Variants in FGFR2 observed in about 807,000 individuals in gnomAD.
The protein encoded by FGFR2 is BEK fibroblast growth factor receptor.
A neutral mutation model predicts 95.9 loss-of-function variants in FGFR2; 19 were observed. That is an observed-to-expected ratio of 0.20 (90% CI 0.14 to 0.29). The LOEUF is 0.29. Among genes scored for constraint, FGFR2 ranks in the 10% least tolerant of loss-of-function variants. FGFR2 has a pLI of 1.00. For synonymous variants in FGFR2, 392 were observed against 393.3 expected (o/e 1.00, Z 0.04); for missense variants, 707 against 1,056.9 (o/e 0.67, Z 4.59).
At chr10:121,534,300 T>C (rs1852511964) in intron 6 of FGFR2, among the ~76,000 whole-genome samples, 1 of 152,020 alleles carries the variant, frequency 6.6e-6, no homozygotes, top group African/African-American at 2.4e-5. Flanking sequence ...GGTTTCACCA[T>C]GTTGGTCAGG....
chr10:121,504,291 C>A (rs978525207), intron 9 of FGFR2, among the ~76,000 whole-genome samples: 3 of 149,830 alleles, frequency 2.0e-5, no homozygotes, highest in Non-Finnish European at 4.4e-5. Context: ...TATGGTTGTA[C>A]CTGCACCTGT....
chr10:121,570,806 T>C (rs1029724561), intron 2 of FGFR2, among the ~76,000 whole-genome samples: 1 of 152,224 alleles, frequency 6.6e-6, no homozygotes, highest in Non-Finnish European at 1.5e-5. Flanking sequence ...CACTGTTTCC[T>C]AAAACTGGTA....
chr10:121,542,532 C>CT (rs1479261226), intron 5 of FGFR2, among the ~76,000 whole-genome samples: 1 of 152,236 alleles, frequency 6.6e-6, no homozygotes, highest in Non-Finnish European at 1.5e-5. Context: ...GACTCTTTTT[C>CT]TTTCCTGCTC....
intron 2 of FGFR2, among the ~76,000 whole-genome samples, chr10:121,580,490 C>T (rs970232065): frequency 1.3e-5 from 2 of 152,164 alleles, no homozygotes; most frequent in African/African-American, 2.4e-5. Flanking sequence ...CCCGTGCAGA[C>T]GCCTGAAGGC....
Position 121,565,525 on chromosome 10 carries a change from C to T in FGFR2, c.289G>A (p.Ala97Thr), listed in dbSNP as rs372430349. 4.6e-5 allele frequency: 74 copies of T among 1,614,100 alleles called. No homozygotes were observed. The highest frequency in any genetic ancestry group is 2.9e-4 in the African/African-American group (22 of 74,938). ...LIGEYLQIKG[A>T]TPRDSGLYAC... is the part of the protein sequence containing the mutation. Reference sequence around the variant, plus strand: ...TAGAGGCCGGAGTCTCTAGGCGTGGCGCCCTTTATCTGCAAGTACTCCCCA... The same window carrying T: ...TAGAGGCCGGAGTCTCTAGGCGTGGTGCCCTTTATCTGCAAGTACTCCCCA... The change falls in exon 3 of 18, where the codon GCC becomes ACC. Residue 97 changes from alanine to threonine, a missense_variant. By Grantham distance (58) the Ala-to-Thr change is moderately conservative (BLOSUM62 0). This residue lies in a region of FGFR2 where 178 missense variants were observed against 194.1 expected (regional missense o/e 0.92). Coordinates refer to ENST00000358487, the MANE Select transcript of FGFR2 (RefSeq NM_000141.5).
intron 13 of FGFR2, among the ~76,000 whole-genome samples, chr10:121,492,156 C>CA (rs1183007961): frequency 6.6e-6 from 1 of 152,122 alleles, no homozygotes; most frequent in African/African-American, 2.4e-5. Flanking sequence ...AGCCAGGTGA[C>CA]AGAGTGAGAC....
intron 4 of FGFR2, among the ~76,000 whole-genome samples, chr10:121,554,120 C>T (rs1456903089): frequency 6.6e-6 from 1 of 152,188 alleles, no homozygotes; most frequent in Non-Finnish European, 1.5e-5. Context: ...CACAGCCATA[C>T]AGCAGGGTAC....
chr10:121,492,230 G>A (rs1049459128), intron 13 of FGFR2, among the ~76,000 whole-genome samples: 1 of 152,186 alleles, frequency 6.6e-6, no homozygotes, highest in Non-Finnish European at 1.5e-5. Context: ...GGTTAACTGG[G>A]TTTGGGATTT....
rs2134060578 is a variant in FGFR2, at chr10:121,503,876, G to A, written c.1353C>T (p.Leu451=). 1.2e-6 allele frequency: 2 copies of A among 1,614,158 alleles called. No individual in the cohort carries two copies. The highest frequency in any genetic ancestry group is 2.2e-5 in the South Asian group (2 of 91,084). Residue 451 remains leucine (L), a synonymous_variant, in exon 10 of 18, where the codon CTC becomes CTT. Transcript: ENST00000358487. ...NTPLVRITTR[L]SSTADTPMLA... is the part of the protein sequence containing the mutation. The stretch of plus-strand genomic sequence containing the variant: ...GCATGGGGGTGTCTGCCGTTGAAGA[G>A]AGGCGTGTTGTTATCCTCACCAGCG...
In FGFR2 at chr10:121,517,807, T is replaced by TCTGGTC. The variant is rs1849897779; in HGVS notation, c.940-350_940-345dup. On this transcript the variant is annotated intron_variant, in intron 7 of 17. Transcript: ENST00000358487. The surrounding 1 kb of genome is among the most constrained non-coding windows in gnomAD (Gnocchi z 4.7). ...ATGGTGCCCAGAAGGCCAAGCTGGTTCTGGTCCTGTTGGCTGCAGACTCCC... is the reference window on the plus strand; with the variant it reads ...ATGGTGCCCAGAAGGCCAAGCTGGTTCTGGTCCTGGTCCTGTTGGCTGCAGACTCCC... 6.6e-6 allele frequency among the ~76,000 whole-genome samples: 1 copy of TCTGGTC among 152,070 alleles called. No individual in the cohort carries two copies. The highest frequency in any genetic ancestry group is 1.5e-5 in the Non-Finnish European group (1 of 68,004).
chr10:121,487,870 C>G lies in FGFR2; in HGVS notation c.1986+121G>C, dbSNP rs1010554323. The stretch of plus-strand genomic sequence containing the variant: ...AATAGTAAGTCAAAAGAACGGGAAT[C>G]GGGGCAGGGGAATGGGTCCCCAGCC... On this transcript the variant is annotated intron_variant, in intron 14 of 17. Transcript: ENST00000358487. 4.9e-6 allele frequency: 6 copies of G among 1,225,292 alleles called. No individual in the cohort carries two copies. In the African/African-American group the frequency reaches 9.0e-5, roughly 18 times the overall value. The allele number at this position is 1,225,292 out of a possible 1,614,324, so 75.9% of individuals were successfully genotyped here. A position where few individuals can be genotyped will look rare whatever the true frequency, so the allele number is the denominator to read the frequency against.
chr10:121,482,227 A>C, intron 17 of FGFR2: 2 of 1,579,184 alleles, frequency 1.3e-6, no homozygotes, highest in African/African-American at 2.7e-5. Context: ...CTACAGTTAA[A>C]GGAACTTATA....
intron 6 of FGFR2, among the ~76,000 whole-genome samples, chr10:121,533,917 G>A (rs903283208): frequency 3.3e-5 from 5 of 151,984 alleles, no homozygotes; most frequent in African/African-American, 9.7e-5. Flanking sequence ...AGGGGTGGGC[G>A]TAAAGAAGCC....
At chr10:121,534,339 T>C (rs551407661) in intron 6 of FGFR2, among the ~76,000 whole-genome samples, 1 of 151,952 alleles carries the variant, frequency 6.6e-6, no homozygotes, top group Non-Finnish European at 1.5e-5. Flanking sequence ...CCTCATGATC[T>C]GCCTGCCTCG....
At chr10:121,572,176 A>AAAAAAAAAAAAAAT (rs1858900994) in intron 2 of FGFR2, among the ~76,000 whole-genome samples, 1 of 145,514 alleles carries the variant, frequency 6.9e-6, no homozygotes, top group Non-Finnish European at 1.5e-5. Flanking sequence ...AAAAAAAAAA[A>AAAAAAAAAAAAAAT]AGCCGGGAAT....
At chr10:121,509,198 A>G (rs533878657) in intron 9 of FGFR2, among the ~76,000 whole-genome samples, 9 of 152,292 alleles carry the variant, frequency 5.9e-5, no homozygotes, top group Admixed American at 2.0e-4. Context: ...CTTGTTAGTG[A>G]TAAGTGAGTT....
In FGFR2 at chr10:121,517,035, G is replaced by A. The variant is rs1849776362; in HGVS notation, c.1084+284C>T. 6.6e-6 allele frequency among the ~76,000 whole-genome samples: 1 copy of A among 152,192 alleles called. No homozygotes were observed. The highest frequency in any genetic ancestry group is 2.4e-5 in the African/African-American group (1 of 41,452). ...ATGGCAACTTGTTCCTTAAGAGAAAGGGGGATGGGCTAATTTATACATTGG... is the reference window on the plus strand; with the variant it reads ...ATGGCAACTTGTTCCTTAAGAGAAAAGGGGATGGGCTAATTTATACATTGG... On this transcript the variant is annotated intron_variant, in intron 8 of 17. Transcript: ENST00000358487. This position sits in a 1 kb window ranked among gnomAD's most constrained non-coding sequence, Gnocchi z 4.7.
intron 2 of FGFR2, among the ~76,000 whole-genome samples, chr10:121,567,247 C>T (rs1857811989): frequency 6.6e-6 from 1 of 152,208 alleles, no homozygotes; most frequent in South Asian, 2.1e-4. Flanking sequence ...CCACCATCAA[C>T]AGCCACACAG....
chr10:121,574,774 G>A (rs552259740), intron 2 of FGFR2, among the ~76,000 whole-genome samples: 1 of 152,228 alleles, frequency 6.6e-6, no homozygotes, highest in East Asian at 1.9e-4. Context: ...TTCTTTAAGG[G>A]GGCGAGGAAG....
Sources: allele counts gnomAD v4.1 joint callset (sites outside exome capture counted in the v4.1 genomes callset), GRCh38; gene constraint gnomAD v4.1.1; regional missense constraint gnomAD v4.1.1; non-coding constraint Gnocchi (gnomAD v3.1); transcripts MANE v1.5; gene names NCBI Gene and HGNC (gene_info 2026-07-23, HGNC 2026-07-21).